Variants in FLG observed in about 807,000 individuals in gnomAD.
FLG encodes the protein epidermal filaggrin.
FLG carries 6 observed loss-of-function variants against 3.8 expected under a neutral mutation model. The observed-to-expected ratio is 1.60, with a 90% CI of 0.87 to 3.15. FLG has a LOEUF of 3.15. FLG is among the 30% of genes most tolerant of loss of function. FLG has a pLI of 0.00. For synonymous variants in FLG, 2,551 were observed against 1,931.6 expected (o/e 1.32, Z -8.41); for missense variants, 7,595 against 5,050.9 (o/e 1.50, Z -15.27).
chr1:152,308,280 G>T lies in FLG; in HGVS notation c.6606C>A (p.Gly2202=). Residue 2202 remains glycine (G), a synonymous_variant, in exon 3 of 3, where the codon GGC becomes GGA. Coordinates refer to ENST00000368799, the MANE Select transcript of FLG (RefSeq NM_002016.2). Reference sequence around the variant, plus strand: ...GATGATGCGACCCTGAGTGCCTAGAGCCATCTCCTGATTGTTCCTTGTCAT... The same window carrying T: ...GATGATGCGACCCTGAGTGCCTAGATCCATCTCCTGATTGTTCCTTGTCAT... ...KTYDKEQSGD[G]SRHSGSHHHE... 1 of 1,613,372 alleles carries T rather than the reference G, an allele frequency of 6.2e-7. No individual in the cohort carries two copies. Among genetic ancestry groups the T allele is most frequent in the Non-Finnish European group, 8.5e-7 (1 of 1,179,492 alleles).
chr1:152,310,552 A>G lies in FLG; in HGVS notation c.4334T>C (p.Val1445Ala), dbSNP rs775841485. The change falls in exon 3 of 3, where the codon GTG becomes GCG. Residue 1445 changes from valine to alanine, a missense_variant. Transcript: ENST00000368799. ...GGACTCAGACTGTTCATGAGAGCTC[A>G]CCTGGTAGAGGAAAGACCTTGAACG... ...SGRSRSFLYQ[V>A]SSHEQSESTH... is the part of the protein sequence containing the mutation. The G allele has an allele frequency of 1.9e-6, 3 of 1,613,720 alleles. No individual in the cohort carries two copies. The highest frequency in any genetic ancestry group is 3.3e-4 in the Middle Eastern group (2 of 6,058).
At position 152,312,107 on chromosome 1, in the gene FLG, G is replaced by A. The variant is rs763988476; in HGVS notation, c.2779C>T (p.Gln927Ter). Reference sequence around the variant, plus strand: ...CCCTCTGATTGTCCCTGGCCTGCCTGTGAGTGTCTAGAGATGTCGGCATGA... The same window carrying A: ...CCCTCTGATTGTCCCTGGCCTGCCTATGAGTGTCTAGAGATGTCGGCATGA... ...SSHADISRHSQAGQGQSEGSR... is the reference protein window; with the variant it reads ...SSHADISRHS The change falls in exon 3 of 3, where the codon CAG becomes TAG. Residue 927 changes from glutamine (Q) to a stop codon, truncating the protein, a stop_gained. Transcript: ENST00000368799. LOFTEE classifies it low-confidence loss of function (END_TRUNC). 7.4e-6 allele frequency: 12 copies of A among 1,613,984 alleles called. No homozygotes were observed. The African/African-American group carries it at 9.3e-5, about 13-fold the overall frequency.
rs1378179724 is a variant in FLG at position 152,314,694 on chromosome 1, G to A, written c.192C>T (p.Asp64=). Residue 64 remains aspartate, a synonymous_variant, in exon 3 of 3, where the codon GAC becomes GAT. Coordinates refer to ENST00000368799, the MANE Select transcript of FLG (RefSeq NM_002016.2). ...VDVFMDHLDI[D]HNKKIDFTEF... ...CAGTGAAGTCAATTTTCTTGTTGTGGTCTATATCCAAGTGATCCATGAAGA... is the reference window on the plus strand; with the variant it reads ...CAGTGAAGTCAATTTTCTTGTTGTGATCTATATCCAAGTGATCCATGAAGA... 7.4e-6 allele frequency: 12 copies of A among 1,613,894 alleles called. No homozygotes were observed. The highest frequency in any genetic ancestry group is 1.0e-5 in the Non-Finnish European group (12 of 1,179,890).
rs776888744 is a variant in FLG, at chr1:152,303,300, A to G, written c.11586T>C (p.Ser3862=). 6 of 1,613,916 alleles carry G rather than the reference A, an allele frequency of 3.7e-6. No homozygotes were observed. Among genetic ancestry groups the G allele is most frequent in the East Asian group, 2.2e-5 (1 of 44,860 alleles). Reference sequence around the variant, plus strand: ...CCTCACTGTCACTGTCCTGGCTAACACTGGATCCCTGGCGCCTGCTTCTCC... The same window carrying G: ...CCTCACTGTCACTGTCCTGGCTAACGCTGGATCCCTGGCGCCTGCTTCTCC... ...GSRRSRRQGS[S]VSQDSDSEAY... is the part of the protein sequence containing the mutation. Residue 3862 remains serine (S), a synonymous_variant, in exon 3 of 3, where the codon AGT becomes AGC. Transcript: ENST00000368799.
Position 152,313,237 on chromosome 1 carries a change from G to A in FLG, c.1649C>T (p.Thr550Ile), listed in dbSNP as rs1016596744. ...GHSGSHHSHT[T>I]SQGRSDASHG... ...GGAGGCATCAGACCTTCCCTGGGAT[G>A]TGGTGTGGCTGTGATGGGAACCTGA... Residue 550 changes from threonine (T) to isoleucine (I), a missense_variant, in exon 3 of 3, where the codon ACA becomes ATA. Coordinates refer to ENST00000368799, the MANE Select transcript of FLG (RefSeq NM_002016.2). 6.2e-7 allele frequency: 1 copy of A among 1,613,974 alleles called. No homozygotes were observed. The highest frequency in any genetic ancestry group is 1.7e-5 in the Admixed American group (1 of 60,008).
At position 152,305,060 on chromosome 1, in the gene FLG, T is replaced by G. The variant is rs1185775291; in HGVS notation, c.9826A>C (p.Thr3276Pro). 1 of 1,613,840 alleles carries G rather than the reference T, an allele frequency of 6.2e-7. No homozygotes were observed. The highest frequency in any genetic ancestry group is 8.5e-7 in the Non-Finnish European group (1 of 1,179,964). ...CCAGAGGAAGTCTCTGCGTGACGAG[T>G]GCCTGATTGTCTGGAGCGGTCTGCA... ...HSADRSRQSG[T>P]RHAETSSGGQ... Residue 3276 changes from threonine to proline, a missense_variant, in exon 3 of 3, where the codon ACT (threonine) becomes CCT (proline). Transcript: ENST00000368799.
In FLG at chr1:152,314,418, A is replaced by G; in HGVS notation, c.468T>C (p.Ser156=). The part of the protein sequence containing the change: ...ETGGKRHESS[S]EKKERKGYSP... ...AATATCCTTTTCTTTCTTTTTTTTC[A>G]GAACTAGATTCATGCCTTTTCCCCC... Residue 156 remains serine (S), a synonymous_variant, in exon 3 of 3, where the codon TCT becomes TCC. Coordinates refer to ENST00000368799, the MANE Select transcript of FLG (RefSeq NM_002016.2). The G allele has an allele frequency of 6.2e-7, 1 of 1,612,548 alleles. No homozygotes were observed. The highest frequency in any genetic ancestry group is 1.7e-5 in the Admixed American group (1 of 59,934).
Position 152,307,039 on chromosome 1 carries a change from T to C in FLG, c.7847A>G (p.His2616Arg). ...PRSHQEDRAG[H>R]GHSADSSRQS... Reference sequence around the variant, plus strand: ...TCTGGAGCTGTCTGCAGAGTGCCCATGACCAGCTCTGTCTTCTTGATGGGA... The same window carrying C: ...TCTGGAGCTGTCTGCAGAGTGCCCACGACCAGCTCTGTCTTCTTGATGGGA... The change falls in exon 3 of 3, where the codon CAT becomes CGT. Residue 2616 changes from histidine to arginine, a missense_variant. Coordinates refer to ENST00000368799, the MANE Select transcript of FLG (RefSeq NM_002016.2). 1 of 1,605,136 alleles carries C rather than the reference T, an allele frequency of 6.2e-7. No individual in the cohort carries two copies. Among genetic ancestry groups the C allele is most frequent in the South Asian group, 1.1e-5 (1 of 90,570 alleles).
At position 152,306,620 on chromosome 1, in the gene FLG, C is replaced by G. The variant is rs140723547; in HGVS notation, c.8266G>C (p.Gly2756Arg). 3.2e-4 allele frequency: 508 copies of G among 1,606,978 alleles called. 14 individuals are homozygous for G. The African/African-American group carries it at 5.2e-3, about 17-fold the overall frequency. ...CCTTGTCTTCCTCTAGTGCTGGGCC[C>G]CGTCCATCCATGGGAGGACTCAGAC... ...EQSESSHGWT[G>R]PSTRGRQGSR... The change falls in exon 3 of 3, where the codon GGG (glycine) becomes CGG (arginine). Residue 2756 changes from glycine to arginine, a missense_variant. Coordinates refer to ENST00000368799, the MANE Select transcript of FLG (RefSeq NM_002016.2).
At chr1:152,323,504 A>G (rs1247162931) in intron 1 of FLG, among the ~76,000 whole-genome samples, 1 of 151,736 alleles carries the variant, frequency 6.6e-6, no homozygotes, top group Admixed American at 6.6e-5. Flanking sequence ...ACAGAAAAGG[A>G]TATCCAAATG....
Position 152,307,678 on chromosome 1 carries a change from C to T in FLG, c.7208G>A (p.Arg2403Gln), listed in dbSNP as rs368385023. The T allele has an allele frequency of 4.1e-4, 669 of 1,613,298 alleles. 1 individual carries two copies. The highest frequency in any genetic ancestry group is 5.2e-4 in the Non-Finnish European group (614 of 1,179,836). ...QQSHQESTRG[R>Q]SAGRSGRSGS... Reference sequence around the variant, plus strand: ...TGAACGTCCAGACCTTCCTGCTGACCGGCCACGTGTGGACTCTTGGTGGCT... The same window carrying T: ...TGAACGTCCAGACCTTCCTGCTGACTGGCCACGTGTGGACTCTTGGTGGCT... Residue 2403 changes from arginine to glutamine, a missense_variant, in exon 3 of 3, where the codon CGG becomes CAG. Arg to Gln is a conservative substitution (Grantham distance 43). Transcript: ENST00000368799.
rs77422831 is a variant in FLG at position 152,303,673 on chromosome 1, C to T, written c.11213G>A (p.Arg3738His). The T allele has an allele frequency of 0.17, 276,613 of 1,613,656 alleles. 33,130 individuals carry two copies. The highest frequency in any genetic ancestry group is 0.56 in the East Asian group (25,117 of 44,820). The change falls in exon 3 of 3, where the codon CGC (arginine) becomes CAC (histidine). Residue 3738 changes from arginine to histidine, a missense_variant. By Grantham distance (29) the Arg-to-His change is conservative (BLOSUM62 0). Coordinates refer to ENST00000368799, the MANE Select transcript of FLG (RefSeq NM_002016.2). ...GGAGCTGTCTCGTGCCTGCTCGTGG[C>T]GGGATCCTTGTCTTCCTCCAGTACT... is the stretch of plus-strand genomic sequence containing the variant. ...GPSTGGRQGS[R>H]HEQARDSSRH...
Position 152,304,267 on chromosome 1 carries a change from C to A in FLG, c.10619G>T (p.Ser3540Ile), listed in dbSNP as rs1281355725. ...GTGTCCCTGACTGTCACTGTCCTGG[C>A]TAACACTGGATCCCTGGTTCCTGCT... Reference protein sequence around the residue: ...RTSRNQGSSVSQDSDSQGHSE... With the variant: ...RTSRNQGSSVIQDSDSQGHSE... Residue 3540 changes from serine to isoleucine, a missense_variant, in exon 3 of 3, where the codon AGC (serine) becomes ATC (isoleucine). By Grantham distance (142) the Ser-to-Ile change is moderately radical. Coordinates refer to ENST00000368799, the MANE Select transcript of FLG (RefSeq NM_002016.2). 2 of 1,613,266 alleles carry A rather than the reference C, an allele frequency of 1.2e-6. No individual in the cohort carries two copies. Among genetic ancestry groups the A allele is most frequent in the East Asian group, 2.2e-5 (1 of 44,742 alleles).
chr1:152,315,578 G>C (rs1652760425), intron 1 of FLG, 101 bp from the exon 2 acceptor site: 1 of 890,784 alleles, frequency 1.1e-6, no homozygotes, highest in Non-Finnish European at 1.7e-6. Flanking sequence ...TTTCCTCTAA[G>C]TAATCCATCT....
intron 2 of FLG, 152 bp from the exon 3 acceptor site, chr1:152,314,899 C>T: frequency 2.4e-6 from 2 of 850,812 alleles, no homozygotes; most frequent in East Asian, 2.6e-5. Context: ...GTCTCATCCT[C>T]ATTCAGGTGT....
chr1:152,314,914 T>C, intron 2 of FLG, 167 bp from the exon 3 acceptor site: 3 of 744,324 alleles, frequency 4.0e-6, no homozygotes, highest in South Asian at 1.9e-5. Flanking sequence ...AGGTGTTATA[T>C]GTGAACAAAG....
chr1:152,324,119 G>A (rs149413107), intron 1 of FLG, among the ~76,000 whole-genome samples: 12 of 151,770 alleles, frequency 7.9e-5, no homozygotes, highest in Non-Finnish European at 1.3e-4. Context: ...GTTATTTCTC[G>A]TTATTTCTAT....
Position 152,304,691 on chromosome 1 carries a change from C to T in FLG, c.10195G>A (p.Ala3399Thr), listed in dbSNP as rs779091530. Residue 3399 changes from alanine to threonine, a missense_variant, in exon 3 of 3, where the codon GCC (alanine) becomes ACC (threonine). Physicochemically the swap from Ala to Thr is moderately conservative, Grantham distance 58. Coordinates refer to ENST00000368799, the MANE Select transcript of FLG (RefSeq NM_002016.2). ...QVSTHEQSES[A>T]HGRTRTSTGR... ...GTGCTGGTCCTGGTCCGCCCATGGG[C>T]AGACTCAGACTGTTCATGAGTGCTC... 20 of 1,612,736 alleles carry T rather than the reference C, an allele frequency of 1.2e-5. No homozygotes were observed. In the Admixed American group the frequency reaches 1.5e-4, roughly 12 times the overall value.
Position 152,315,351 on chromosome 1 carries a change from G to A in FLG, c.106C>T (p.Leu36Phe), listed in dbSNP as rs1250746880. The A allele has an allele frequency of 8.1e-6, 13 of 1,613,234 alleles. No homozygotes were observed. Among genetic ancestry groups the A allele is most frequent in the Non-Finnish European group, 1.0e-5 (12 of 1,179,582 alleles). The change falls in exon 2 of 3, where the codon CTT becomes TTT. Residue 36 changes from leucine to phenylalanine, a missense_variant. Physicochemically the swap from Leu to Phe is conservative, Grantham distance 22. Coordinates refer to ENST00000368799, the MANE Select transcript of FLG (RefSeq NM_002016.2). ...DTLSKKELKE[L>F]LEKEFRQILK... is the part of the protein sequence containing the mutation. The stretch of plus-strand genomic sequence containing the variant: ...ATTTGCCGAAATTCCTTTTCCAGAA[G>A]TTCCTTCAGCTCTTTTTTACTCAAT...
Sources: allele counts gnomAD v4.1 joint callset (sites outside exome capture counted in the v4.1 genomes callset), GRCh38; gene constraint gnomAD v4.1.1; transcripts MANE v1.5; gene names NCBI Gene and HGNC (gene_info 2026-07-23, HGNC 2026-07-21).